The following XDH variants were observed in gnomAD, a reference collection of about 807,000 sequenced individuals.
XDH encodes the protein xanthine dehydrogenase, also known as xanthine dehydrogenase/oxidase.
Under a neutral mutation model 156.1 loss-of-function variants are expected in XDH, and 138 were observed. The observed-to-expected ratio is 0.88, with a 90% CI of 0.77 to 1.02. The LOEUF (loss-of-function observed/expected upper bound fraction) is 1.02, where lower values mean the gene tolerates loss of function less well. Among genes scored for constraint, XDH ranks in the 50% least tolerant of loss-of-function variants. XDH has a pLI of 0.00. For synonymous variants in XDH, 669 were observed against 625.7 expected, an observed-to-expected ratio of 1.07 and a Z score of -1.03; for missense variants, 1,849 against 1,684.9, an observed-to-expected ratio of 1.10 and a Z score of -1.71.
In XDH at chr2:31,337,778, A is replaced by G. The variant is rs1433813831; in HGVS notation, c.3814T>C (p.Phe1272Leu). ...CGGATGGCATCTTTGATGGCAAAGA[A>G]GATAGAAGCAGCCAGGAAGAGGGGC... ...EPPLFLAASI[F>L]FAIKDAIRAA... is the part of the protein sequence containing the mutation. The change falls in exon 35 of 36, where the codon TTC becomes CTC. Residue 1272 changes from phenylalanine to leucine, a missense_variant. Phe to Leu is a conservative substitution (Grantham distance 22). Transcript: ENST00000379416. The G allele has an allele frequency of 6.2e-7, 1 of 1,614,232 alleles. No individual in the cohort carries two copies. Among genetic ancestry groups the G allele is most frequent in the South Asian group, 1.1e-5 (1 of 91,080 alleles).
intron 20 of XDH, 127 bp from the exon 21 acceptor site, chr2:31,367,121 A>C (rs2148768217): frequency 2.5e-4 from 375 of 1,499,456 alleles, no homozygotes; most frequent in Middle Eastern, 3.6e-4. Flanking sequence ...GGGTAACCTC[A>C]AGGTTTCCCA....
At chr2:31,359,428 C>T (rs2148762921) in intron 24 of XDH, among the ~76,000 whole-genome samples, 1 of 151,148 alleles carries the variant, frequency 6.6e-6, no homozygotes, top group South Asian at 2.1e-4. Context: ...GCGAAGTGTC[C>T]TATTGCATCA....
intron 24 of XDH, among the ~76,000 whole-genome samples, chr2:31,354,072 G>A (rs1201632438): frequency 6.6e-6 from 1 of 152,184 alleles, no homozygotes; most frequent in African/African-American, 2.4e-5. Context: ...CAAGCCAGTG[G>A]TAAAGAGGCC....
chr2:31,411,289 A>AT (rs1261126919), intron 1 of XDH, among the ~76,000 whole-genome samples: 1 of 151,694 alleles, frequency 6.6e-6, no homozygotes, highest in East Asian at 1.9e-4. Context: ...TCAGGAAAAA[A>AT]AAAAAAAAAA....
Position 31,366,067 on chromosome 2 carries a change from C to A in XDH, c.2365G>T (p.Val789Leu), listed in dbSNP as rs769452669. The A allele has an allele frequency of 1.2e-5, 19 of 1,614,220 alleles. No homozygotes were observed. The highest frequency in any genetic ancestry group is 1.5e-5 in the Non-Finnish European group (18 of 1,180,042). ...KMLGVPANRIVVRVKRMGGGF... is the reference protein window; with the variant it reads ...KMLGVPANRILVRVKRMGGGF... ...CCTCCCATTCTCTTCACTCGAACCA[C>A]AATCCGGTTTGCTGGAACCCCCAAC... Residue 789 changes from valine to leucine, a missense_variant, in exon 22 of 36, where the codon GTG becomes TTG. Val to Leu is a conservative substitution (Grantham distance 32). Coordinates refer to ENST00000379416, the MANE Select transcript of XDH (RefSeq NM_000379.4).
chr2:31,408,670 A>G (rs554289914), intron 1 of XDH, among the ~76,000 whole-genome samples: 4 of 152,220 alleles, frequency 2.6e-5, no homozygotes, highest in Non-Finnish European at 4.4e-5. Context: ...AACACAATTG[A>G]TCCAGTTAAG....
intron 24 of XDH, among the ~76,000 whole-genome samples, chr2:31,350,644 G>C (rs1235237331): frequency 6.6e-6 from 1 of 152,124 alleles, no homozygotes; most frequent in Non-Finnish European, 1.5e-5. Flanking sequence ...AAAGTGCTGG[G>C]ATTACAGGCA....
intron 8 of XDH, among the ~76,000 whole-genome samples, chr2:31,386,764 C>A (rs557284551): frequency 6.6e-6 from 1 of 152,174 alleles, no homozygotes; most frequent in East Asian, 1.9e-4. Context: ...GCATTATGAG[C>A]CTCATTTTCA....
chr2:31,386,350 C>T, intron 9 of XDH, 64 bp downstream of exon 9: 1 of 1,599,066 alleles, frequency 6.3e-7, no homozygotes, highest in Middle Eastern at 2.2e-4. Context: ...TGAGGATGGG[C>T]AAGAGGACCT....
intron 6 of XDH, 148 bp from the exon 7 acceptor site, chr2:31,388,443 A>G: frequency 1.2e-6 from 1 of 836,832 alleles, no homozygotes; most frequent in African/African-American, 1.7e-5. Flanking sequence ...CCTGTTGCCC[A>G]GAGTGGAGGC....
chr2:31,370,569 G>C, intron 17 of XDH, 91 bp from the exon 18 acceptor site: 1 of 1,541,830 alleles, frequency 6.5e-7, no homozygotes, highest in East Asian at 2.3e-5. Context: ...TATTTTGATT[G>C]GCTTGGCTCC....
Position 31,373,774 on chromosome 2 carries a change from T to C in XDH, c.1686+99A>G. 4.3e-6 allele frequency: 5 copies of C among 1,174,056 alleles called. No individual in the cohort carries two copies. The South Asian group carries it at 6.5e-5, about 15-fold the overall frequency. The allele number at this position is 1,174,056 out of a possible 1,614,324, so 72.7% of individuals were successfully genotyped here. A position where few individuals can be genotyped will look rare whatever the true frequency, so the allele number is the denominator to read the frequency against. Reference sequence around the variant, plus strand: ...AAGAGTAAGGAGTTTTATGGACCTATATACAATTCAAGTTAGTCATTAGCC... The same window carrying C: ...AAGAGTAAGGAGTTTTATGGACCTACATACAATTCAAGTTAGTCATTAGCC... On this transcript the variant is annotated intron_variant, in intron 16 of 35. Transcript: ENST00000379416.
chr2:31,382,048 A>G (rs1483087212), intron 11 of XDH, among the ~76,000 whole-genome samples: 1 of 152,210 alleles, frequency 6.6e-6, no homozygotes, highest in East Asian at 1.9e-4. Flanking sequence ...GGCCATATAG[A>G]CTTAGTAAAA....
At chr2:31,367,118 C>A in intron 20 of XDH, 124 bp from the exon 21 acceptor site, 5 of 1,529,294 alleles carry the variant, frequency 3.3e-6, no homozygotes, top group Non-Finnish European at 4.5e-6. Context: ...GAGGGGTAAC[C>A]TCAAGGTTTC....
chr2:31,362,228 T>A (rs533670851), intron 24 of XDH, among the ~76,000 whole-genome samples: 2 of 152,256 alleles, frequency 1.3e-5, no homozygotes, highest in South Asian at 4.1e-4. Context: ...TTGACTATGA[T>A]TTGGGATCAC....
At chr2:31,369,739 GT>G (rs1338125934) in intron 18 of XDH, among the ~76,000 whole-genome samples, 1 of 152,130 alleles carries the variant, frequency 6.6e-6, no homozygotes, top group Non-Finnish European at 1.5e-5. Context: ...CATATTTTTA[GT>G]TTTTTGTTAT....
rs372611304 is a variant in XDH, at chr2:31,367,371, C to G, written c.2198-377G>C. ...CTGAAAACCAGCGCATGTTCCCGAA[C>G]CTAAGCTACCAGGCCTGGTGGAGAG... On this transcript the variant is annotated intron_variant, in intron 20 of 35. Coordinates refer to ENST00000379416, the MANE Select transcript of XDH (RefSeq NM_000379.4). Among the ~76,000 whole-genome samples the G allele has an allele frequency of 1.5e-4, 23 of 152,320 alleles. No homozygotes were observed. The South Asian group carries it at 4.8e-3, about 32-fold the overall frequency.
chr2:31,350,404 G>A (rs1450770660), intron 24 of XDH, among the ~76,000 whole-genome samples, 181 bp from the exon 25 acceptor site: 1 of 112,464 alleles, frequency 8.9e-6, no homozygotes, highest in Non-Finnish European at 1.6e-5. Context: ...TTGAGATGGA[G>A]TCTCGCTCTG....
At position 31,354,550 on chromosome 2, in the gene XDH, T is replaced by G. The variant is rs1685575448; in HGVS notation, c.2632-4327A>C. On this transcript the variant is annotated intron_variant, in intron 24 of 35. Transcript: ENST00000379416. The stretch of plus-strand genomic sequence containing the variant: ...ACACTTGACAGAAATAAAAAGCTTC[T>G]GGAAATAAACAGATAGTCTCACCAA... 3.9e-5 allele frequency among the ~76,000 whole-genome samples: 6 copies of G among 152,210 alleles called. No homozygotes were observed. In the South Asian group the frequency reaches 1.2e-3, roughly 32 times the overall value.
Sources: allele counts gnomAD v4.1 joint callset (sites outside exome capture counted in the v4.1 genomes callset), GRCh38; gene constraint gnomAD v4.1.1; transcripts MANE v1.5; gene names NCBI Gene and HGNC (gene_info 2026-07-23, HGNC 2026-07-21).